Variants in GAB2 observed in about 807,000 individuals in gnomAD.
GAB2 encodes the protein GRB2 associated binding protein 2.
Under a neutral mutation model 65.5 loss-of-function variants are expected in GAB2, and 26 were observed. The observed-to-expected ratio is 0.40, with a 90% CI of 0.29 to 0.55. The LOEUF (loss-of-function observed/expected upper bound fraction) is 0.55, where lower values mean the gene tolerates loss of function less well. GAB2 is among the 20% of genes least tolerant of loss of function. The pLI, the probability that GAB2 is intolerant of heterozygous loss-of-function variation, is 0.53. For synonymous variants in GAB2, 321 were observed against 329.6 expected (o/e 0.97, Z 0.28); for missense variants, 884 against 875.8 (o/e 1.01, Z -0.12).
chr11:78,220,222 G>T, intron 9 of GAB2, 97 bp downstream of exon 9: 1 of 1,279,340 alleles, frequency 7.8e-7, no homozygotes, highest in Non-Finnish European at 1.1e-6. Flanking sequence ...GGGAGGCTGA[G>T]TGCTGCTGTT....
At chr11:78,258,862 A>ATTGGCAT (rs1865663653) in intron 2 of GAB2, among the ~76,000 whole-genome samples, 1 of 152,144 alleles carries the variant, frequency 6.6e-6, no homozygotes, top group Non-Finnish European at 1.5e-5. Context: ...TAATGTTTTC[A>ATTGGCAT]TTGGCATTTT....
At chr11:78,415,038 A>G (rs1857177021) in intron 1 of GAB2, among the ~76,000 whole-genome samples, 1 of 151,924 alleles carries the variant, frequency 6.6e-6, no homozygotes, top group African/African-American at 2.4e-5. Flanking sequence ...CGCCCAGCTA[A>G]TTTTTATATT....
chr11:78,220,994 A>G (rs1014075113), intron 8 of GAB2, among the ~76,000 whole-genome samples: 2 of 152,180 alleles, frequency 1.3e-5, no homozygotes, highest in Non-Finnish European at 2.9e-5. Flanking sequence ...CTCCTCCAAG[A>G]TCTGAAGAGG....
At chr11:78,313,973 A>G (rs973686135) in intron 1 of GAB2, among the ~76,000 whole-genome samples, 2 of 152,190 alleles carry the variant, frequency 1.3e-5, no homozygotes, top group African/African-American at 4.8e-5. Context: ...AAGAAGACAC[A>G]GTCTGAAAAA....
At chr11:78,248,649 A>G (rs1335723374) in intron 3 of GAB2, among the ~76,000 whole-genome samples, 2 of 152,196 alleles carry the variant, frequency 1.3e-5, no homozygotes, top group Non-Finnish European at 2.9e-5. Context: ...CTCTACTACT[A>G]TTTTATGTAT....
At chr11:78,305,988 T>C (rs573851387) in intron 1 of GAB2, among the ~76,000 whole-genome samples, 1 of 152,322 alleles carries the variant, frequency 6.6e-6, no homozygotes, top group South Asian at 2.1e-4. Context: ...TTTTACACTG[T>C]AGCAGTCAAA....
At chr11:78,320,150 C>T (rs1591035300) in intron 1 of GAB2, among the ~76,000 whole-genome samples, 1 of 152,302 alleles carries the variant, frequency 6.6e-6, no homozygotes. Context: ...GGATTACAGG[C>T]ATGAGCCACT....
chr11:78,275,839 C>T lies in GAB2; in HGVS notation c.376+4762G>A, dbSNP rs1386139460. 8.6e-5 allele frequency among the ~76,000 whole-genome samples: 13 copies of T among 151,890 alleles called. No individual in the cohort carries two copies. The East Asian group carries it at 1.5e-3, about 18-fold the overall frequency. On this transcript the variant is annotated intron_variant, in intron 2 of 9. Transcript: ENST00000361507. ...ATGAATGAATATATTTCCGGCCAGG[C>T]GTAATAGCTCATGCCTGTAATCCCA...
At position 78,215,937 on chromosome 11, in the gene GAB2, A is replaced by T. The variant is rs2134439475; in HGVS notation, c.*3335T>A. 6.5e-6 allele frequency: 1 copy of T among 152,856 alleles called. No homozygotes were observed. The highest frequency in any genetic ancestry group is 6.5e-5 in the Admixed American group (1 of 15,310). 9.5% of individuals were successfully genotyped at this position (152,856 alleles called of 1,614,324 possible). A position where few individuals can be genotyped will look rare whatever the true frequency, so the allele number is the denominator to read the frequency against. Reference sequence around the variant, plus strand: ...GGAGGATGAGCTGAGCCCATGCTCCAGTAACTTCAGAATGGTTGTGCTTTT... The same window carrying T: ...GGAGGATGAGCTGAGCCCATGCTCCTGTAACTTCAGAATGGTTGTGCTTTT... On this transcript the variant is annotated 3_prime_UTR_variant, in exon 10 of 10. Transcript: ENST00000361507.
At chr11:78,222,545 TAATA>T (rs1203488091) in intron 6 of GAB2, among the ~76,000 whole-genome samples, 2 of 148,240 alleles carry the variant, frequency 1.3e-5, no homozygotes, top group African/African-American at 2.4e-5. Flanking sequence ...ATTAATATAT[TAATA>T]TTTATAAAAA....
intron 1 of GAB2, among the ~76,000 whole-genome samples, chr11:78,300,693 T>TGG (rs1267882283): frequency 3.0e-5 from 4 of 132,786 alleles, no homozygotes; most frequent in Admixed American, 2.4e-4. Flanking sequence ...TGGTTTTTTT[T>TGG]TGTTTTTTTT....
chr11:78,372,815 A>C (rs1246432804), intron 1 of GAB2, among the ~76,000 whole-genome samples: 1 of 152,162 alleles, frequency 6.6e-6, no homozygotes, highest in Non-Finnish European at 1.5e-5. Flanking sequence ...TCATTCACCA[A>C]CCTACCCCAC....
intron 1 of GAB2, among the ~76,000 whole-genome samples, chr11:78,347,649 T>C (rs1565168638): frequency 6.6e-6 from 1 of 152,222 alleles, no homozygotes; most frequent in Non-Finnish European, 1.5e-5. Context: ...AACTGGATTA[T>C]AGACCTAAAT....
intron 3 of GAB2, among the ~76,000 whole-genome samples, chr11:78,246,440 G>A (rs556949024): frequency 2.6e-5 from 4 of 152,250 alleles, no homozygotes; most frequent in African/African-American, 9.6e-5. Flanking sequence ...CCTGAATGCT[G>A]TGAACATGAT....
intron 1 of GAB2, among the ~76,000 whole-genome samples, chr11:78,398,021 T>TAC (rs1554999817): frequency 0.025 from 2,841 of 112,508 alleles, 80 homozygotes; most frequent in African/African-American, 0.076. Flanking sequence ...TGTGAATAGC[T>TAC]ACACACACAC....
At chr11:78,366,810 T>C (rs1279062657) in intron 1 of GAB2, among the ~76,000 whole-genome samples, 1 of 149,424 alleles carries the variant, frequency 6.7e-6, no homozygotes, top group Non-Finnish European at 1.5e-5. Flanking sequence ...TTGGAGAAAA[T>C]ATAGTGGAGA....
intron 1 of GAB2, among the ~76,000 whole-genome samples, chr11:78,375,321 G>T (rs558548643): frequency 3.9e-5 from 6 of 152,160 alleles, no homozygotes; most frequent in Admixed American, 1.3e-4. Flanking sequence ...TTGAAATGGG[G>T]TTTTTTTGTT....
At chr11:78,338,240 A>C (rs1213786053) in intron 1 of GAB2, among the ~76,000 whole-genome samples, 1 of 152,166 alleles carries the variant, frequency 6.6e-6, no homozygotes, top group Non-Finnish European at 1.5e-5. Context: ...GTTTGTCCTT[A>C]ATTAGAGAGT....
chr11:78,239,345 C>T (rs370805736), intron 3 of GAB2, among the ~76,000 whole-genome samples: 1 of 152,198 alleles, frequency 6.6e-6, no homozygotes, highest in Non-Finnish European at 1.5e-5. Context: ...CTCAGCCTCC[C>T]GAGTAGCTGG....
Sources: gnomAD v4.1 joint callset for allele counts (sites outside exome capture counted in the v4.1 genomes callset) on GRCh38, gnomAD v4.1.1 for gene constraint, MANE v1.5 for transcripts, NCBI Gene and HGNC (gene_info 2026-07-23, HGNC 2026-07-21) for gene names.